EPHB2: variants seen among roughly 807,000 people sequenced by gnomAD.
EPHB2 encodes ephrin type-B receptor 2.
EPHB2 carries 18 observed loss-of-function variants against 96.4 expected under a neutral mutation model. The ratio of observed to expected loss-of-function variants is 0.19; its 90% CI spans 0.13 to 0.28. The LOEUF (loss-of-function observed/expected upper bound fraction) is 0.28. Among genes scored for constraint, EPHB2 ranks in the 10% least tolerant of loss-of-function variants. The pLI is 1.00. For synonymous variants in EPHB2, 506 were observed against 534.1 expected (o/e 0.95, Z 0.72); for missense variants, 989 against 1,355.4 (o/e 0.73, Z 4.25).
chr1:22,884,988 G>A (rs867091489), intron 6 of EPHB2, among the ~76,000 whole-genome samples: 7 of 152,140 alleles, frequency 4.6e-5, no homozygotes, highest in Admixed American at 2.6e-4. Flanking sequence ...TGTCCCCAGC[G>A]CCTGGCACAC....
chr1:22,737,062 C>T (rs908538384), intron 1 of EPHB2, among the ~76,000 whole-genome samples: 3 of 152,152 alleles, frequency 2.0e-5, no homozygotes, highest in African/African-American at 4.8e-5. Context: ...CCAGTGCTTC[C>T]GTTTCTAATC....
At chr1:22,888,477 C>T (rs1319893136) in intron 6 of EPHB2, among the ~76,000 whole-genome samples, 2 of 152,228 alleles carry the variant, frequency 1.3e-5, no homozygotes, top group African/African-American at 4.8e-5. Context: ...ATGGTACCTA[C>T]TTGCATTAAC....
rs2124166496 is a variant in EPHB2 at position 22,916,289 on chromosome 1, C to A, written c.*2719C>A. 1 of 152,562 alleles carries A rather than the reference C, an allele frequency of 6.6e-6. No individual in the cohort carries two copies. 9.5% of individuals were successfully genotyped at this position (152,562 alleles called of 1,614,324 possible). ...GTCGGTGCTTCCCGTCAGATGGCTT[C>A]CTGTCCTAAGCCGCTGAGCTGGTGA... On this transcript the variant is annotated 3_prime_UTR_variant, in exon 16 of 16. Transcript: ENST00000374630. The surrounding 1 kb of genome is among the most constrained non-coding windows in gnomAD (Gnocchi z 4.2).
intron 1 of EPHB2, among the ~76,000 whole-genome samples, chr1:22,764,054 A>G (rs942097200): frequency 6.6e-6 from 1 of 152,150 alleles, no homozygotes; most frequent in Non-Finnish European, 1.5e-5. Context: ...TCCTAATCTC[A>G]TCTCATTTGC....
intron 1 of EPHB2, among the ~76,000 whole-genome samples, chr1:22,754,810 GC>G: frequency 1.7e-5 from 1 of 58,510 alleles, no homozygotes; most frequent in African/African-American, 6.9e-5. Flanking sequence ...GAGGTGAGAG[GC>G]AGGGGAAGGG....
chr1:22,728,969 C>A (rs1291566712), intron 1 of EPHB2, among the ~76,000 whole-genome samples: 1 of 152,230 alleles, frequency 6.6e-6, no homozygotes, highest in African/African-American at 2.4e-5. Context: ...CAGCTGCACG[C>A]GGCGGGCCAG....
At chr1:22,819,412 G>T (rs769420250) in intron 3 of EPHB2, among the ~76,000 whole-genome samples, 87 of 152,206 alleles carry the variant, frequency 5.7e-4, no homozygotes, top group African/African-American at 1.9e-3. Flanking sequence ...GATCCAGGTC[G>T]AAGGGCAGTC....
rs1640195139 is a variant in EPHB2, at chr1:22,913,874, A to G, written c.*304A>G. ...TGACTGTTCTTGCGGGGGATAAAAA[A>G]GGGCTTGGGAGATTCATGCGATGTG... On this transcript the variant is annotated 3_prime_UTR_variant, in exon 16 of 16. Transcript: ENST00000374630. The surrounding 1 kb of genome is among the most constrained non-coding windows in gnomAD (Gnocchi z 4.1). 1 of 1,588,142 alleles carries G rather than the reference A, an allele frequency of 6.3e-7. No homozygotes were observed. The highest frequency in any genetic ancestry group is 8.6e-7 in the Non-Finnish European group (1 of 1,169,184).
chr1:22,816,797 G>A (rs1315621877), intron 3 of EPHB2, among the ~76,000 whole-genome samples: 3 of 152,248 alleles, frequency 2.0e-5, no homozygotes, highest in Non-Finnish European at 2.9e-5. Flanking sequence ...AAAGTGATGA[G>A]GCTAATGGTG....
At chr1:22,898,957 A>C (rs1639661125) in intron 9 of EPHB2, among the ~76,000 whole-genome samples, 1 of 152,134 alleles carries the variant, frequency 6.6e-6, no homozygotes, top group South Asian at 2.1e-4. Context: ...CACGCCTGTA[A>C]TCCCAACACT....
At chr1:22,901,816 TGTGA>T (rs1639758671) in intron 9 of EPHB2, among the ~76,000 whole-genome samples, 1 of 126,920 alleles carries the variant, frequency 7.9e-6, no homozygotes, top group African/African-American at 3.1e-5. Flanking sequence ...TGTGTGTGTG[TGTGA>T]GTGTGTGTGT....
chr1:22,762,398 A>G (rs1181732400), intron 1 of EPHB2, among the ~76,000 whole-genome samples: 2 of 152,210 alleles, frequency 1.3e-5, no homozygotes, highest in Admixed American at 1.3e-4. Flanking sequence ...GCAGAAAGGA[A>G]GGTAGCCTCT....
intron 1 of EPHB2, among the ~76,000 whole-genome samples, chr1:22,716,265 C>T (rs1173691733): frequency 6.6e-6 from 1 of 152,208 alleles, no homozygotes; most frequent in Non-Finnish European, 1.5e-5. Context: ...GATGGGCCCC[C>T]TCCCTCCTGT....
At chr1:22,809,486 C>T (rs1038102812) in intron 3 of EPHB2, among the ~76,000 whole-genome samples, 36 of 152,180 alleles carry the variant, frequency 2.4e-4, no homozygotes, top group African/African-American at 8.2e-4. Context: ...ATATACATAA[C>T]GTATATGTTA....
Position 22,913,757 on chromosome 1 carries a change from A to C in EPHB2, c.*187A>C. On this transcript the variant is annotated 3_prime_UTR_variant, in exon 16 of 16. Transcript: ENST00000374630. This position sits in a 1 kb window ranked among gnomAD's most constrained non-coding sequence, Gnocchi z 4.1. ...AACATGCAACTCAAACGACGGAAAA[A>C]AAAAGGGAATGGGAAAAAAGAAAAC... 6.2e-7 allele frequency: 1 copy of C among 1,606,540 alleles called. No homozygotes were observed. Among genetic ancestry groups the C allele is most frequent in the Non-Finnish European group, 8.5e-7 (1 of 1,176,292 alleles).
chr1:22,823,872 G>A (rs554713853), intron 3 of EPHB2, among the ~76,000 whole-genome samples: 15 of 152,356 alleles, frequency 9.8e-5, no homozygotes, highest in African/African-American at 3.6e-4. Context: ...TGAGCGATTG[G>A]TAGGCAGGTG....
chr1:22,842,950 A>T (rs1645490829), intron 3 of EPHB2, among the ~76,000 whole-genome samples: 1 of 152,012 alleles, frequency 6.6e-6, no homozygotes, highest in South Asian at 2.1e-4. Context: ...ACTCTCTAGC[A>T]CATCCCCCTG....
intron 1 of EPHB2, among the ~76,000 whole-genome samples, chr1:22,714,311 C>T (rs1643237988): frequency 6.6e-6 from 1 of 152,156 alleles, no homozygotes; most frequent in African/African-American, 2.4e-5. Flanking sequence ...TTCTCACCAC[C>T]CATTTTCCCT....
intron 1 of EPHB2, among the ~76,000 whole-genome samples, chr1:22,727,783 T>TA (rs1207658029): frequency 3.4e-3 from 421 of 124,216 alleles, no homozygotes; most frequent in Middle Eastern, 8.2e-3. Context: ...TTCTTTTCTT[T>TA]AAAAAAAAAA....
Sources: gnomAD v4.1 joint callset for allele counts (sites outside exome capture counted in the v4.1 genomes callset) on GRCh38, gnomAD v4.1.1 for gene constraint, Gnocchi (gnomAD v3.1) non-coding constraint, MANE v1.5 for transcripts, NCBI Gene and HGNC (gene_info 2026-07-23, HGNC 2026-07-21) for gene names.